The following EPS8 variants were observed in gnomAD, a reference collection of about 807,000 sequenced individuals.
EPS8 encodes EGFR pathway substrate 8, signaling adaptor.
A neutral mutation model predicts 103.8 loss-of-function variants in EPS8; 42 were observed. The observed-to-expected ratio is 0.40, with a 90% CI of 0.32 to 0.52. The LOEUF (loss-of-function observed/expected upper bound fraction) is 0.52. Among genes scored for constraint, EPS8 ranks in the 20% least tolerant of loss-of-function variants. EPS8 has a pLI of 0.40. For missense variants in EPS8, 969 were observed against 1,005.1 expected, an observed-to-expected ratio of 0.96 and a Z score of 0.49; for synonymous variants, 344 against 344.6, an observed-to-expected ratio of 1.00 and a Z score of 0.02.
intron 1 of EPS8, among the ~76,000 whole-genome samples, chr12:15,730,652 TACTCA>T (rs1393682792): frequency 6.6e-6 from 1 of 152,206 alleles, no homozygotes; most frequent in Non-Finnish European, 1.5e-5. Flanking sequence ...GGCATATGAC[TACTCA>T]ATCTTCTCTG....
intron 1 of EPS8, chr12:15,732,760 T>C (rs1329168141): frequency 2.0e-6 from 2 of 982,534 alleles, no homozygotes; most frequent in East Asian, 1.1e-4. Context: ...GCCAGATTAC[T>C]CATAGTTTGG....
chr12:15,665,643 T>A, intron 8 of EPS8, 113 bp downstream of exon 8: 1 of 1,383,724 alleles, frequency 7.2e-7, no homozygotes, highest in Non-Finnish European at 1.0e-6. Flanking sequence ...AGTTGATTTT[T>A]TAAAAACTAA....
chr12:15,696,226 T>C lies in EPS8; in HGVS notation c.-21-13254A>G, dbSNP rs1946241180. ...ATAATTCTGAATGAGAATGCTATTATTTATTATATTTCAGGTAGCAGTTTG... is the reference window on the plus strand; with the variant it reads ...ATAATTCTGAATGAGAATGCTATTACTTATTATATTTCAGGTAGCAGTTTG... On this transcript the variant is annotated intron_variant, in intron 1 of 20. Transcript: ENST00000281172. The surrounding 1 kb of genome is among the most constrained non-coding windows in gnomAD (Gnocchi z 4.8). Among the ~76,000 whole-genome samples, 1 of 152,244 alleles carries C rather than the reference T, an allele frequency of 6.6e-6. No homozygotes were observed. The highest frequency in any genetic ancestry group is 6.5e-5 in the Admixed American group (1 of 15,276).
At chr12:15,746,019 T>C (rs1946871740) in intron 1 of EPS8, among the ~76,000 whole-genome samples, 1 of 152,192 alleles carries the variant, frequency 6.6e-6, no homozygotes, top group African/African-American at 2.4e-5. Context: ...TGAACACCTT[T>C]ATAGGAGAAA....
chr12:15,678,261 T>C (rs1373464329), intron 3 of EPS8, among the ~76,000 whole-genome samples: 1 of 152,176 alleles, frequency 6.6e-6, no homozygotes, highest in Non-Finnish European at 1.5e-5. Context: ...CATCTGTCCA[T>C]TCATTCCATA....
rs1946299566 is a variant in EPS8 at position 15,700,628 on chromosome 12, C to A, written c.-21-17656G>T. Among the ~76,000 whole-genome samples the A allele has an allele frequency of 6.6e-6, 1 of 152,080 alleles. No homozygotes were observed. Among genetic ancestry groups the A allele is most frequent in the African/African-American group, 2.4e-5 (1 of 41,420 alleles). ...CCTCAATGCCAACTGAGCAGAAAAACCAATGAAGGCACTGCTCTTAGTGTA... is the reference window on the plus strand; with the variant it reads ...CCTCAATGCCAACTGAGCAGAAAAAACAATGAAGGCACTGCTCTTAGTGTA... On this transcript the variant is annotated intron_variant, in intron 1 of 20. Coordinates refer to ENST00000281172, the MANE Select transcript of EPS8 (RefSeq NM_004447.6). The surrounding 1 kb of genome is among the most constrained non-coding windows in gnomAD (Gnocchi z 5.1).
Position 15,734,731 on chromosome 12 carries a change from C to CA in EPS8, c.-21-51760dup, listed in dbSNP as rs567307132. ...GTCTCAAAAACAAAAAACAAACAAA[C>CA]AAAAAAAAACAAAAAAGATTCTCTG... On this transcript the variant is annotated intron_variant, in intron 1 of 20. Coordinates refer to ENST00000281172, the MANE Select transcript of EPS8 (RefSeq NM_004447.6). The surrounding 1 kb of genome is among the most constrained non-coding windows in gnomAD (Gnocchi z 4.1). Among the ~76,000 whole-genome samples, 270 of 150,262 alleles carry CA rather than the reference C, an allele frequency of 1.8e-3. 2 individuals are homozygous for CA. The Middle Eastern group carries it at 0.024, about 13-fold the overall frequency.
intron 17 of EPS8, among the ~76,000 whole-genome samples, chr12:15,636,328 C>T (rs1278868721): frequency 1.3e-5 from 2 of 152,120 alleles, no homozygotes; most frequent in East Asian, 3.8e-4. Flanking sequence ...GTGGTTTATT[C>T]AATCTTTTGT....
chr12:15,648,539 A>G (rs1945359012), intron 14 of EPS8, among the ~76,000 whole-genome samples: 1 of 152,214 alleles, frequency 6.6e-6, no homozygotes, highest in Non-Finnish European at 1.5e-5. Context: ...CAGCCATTTA[A>G]ATTAAAAAAA....
At chr12:15,643,805 G>T (rs534589156) in intron 15 of EPS8, among the ~76,000 whole-genome samples, 1 of 148,110 alleles carries the variant, frequency 6.8e-6, no homozygotes, top group African/African-American at 2.5e-5. Flanking sequence ...GTAACAAAAC[G>T]TATGGGCTCA....
intron 1 of EPS8, among the ~76,000 whole-genome samples, chr12:15,775,604 C>A (rs913266286): frequency 2.6e-5 from 4 of 151,720 alleles, no homozygotes; most frequent in Non-Finnish European, 5.9e-5. Flanking sequence ...GGAAAGAGGG[C>A]GAGAAAAGCA....
At position 15,620,584 on chromosome 12, in the gene EPS8, T is replaced by G. The variant is rs1238088502; in HGVS notation, c.*733A>C. 6.6e-6 allele frequency: 1 copy of G among 152,648 alleles called. No homozygotes were observed. Among genetic ancestry groups the G allele is most frequent in the Non-Finnish European group, 1.5e-5 (1 of 68,038 alleles). The allele number at this position is 152,648 out of a possible 1,614,324, so 9.5% of individuals were successfully genotyped here. A position where few individuals can be genotyped will look rare whatever the true frequency, so the allele number is the denominator to read the frequency against. On this transcript the variant is annotated 3_prime_UTR_variant, in exon 21 of 21. Coordinates refer to ENST00000281172, the MANE Select transcript of EPS8 (RefSeq NM_004447.6). ...GCAGACTACTTCCTTTGCTAGATTT[T>G]GAGAAGACATGACCTCTTTCGCATT...
At chr12:15,668,407 T>A (rs1482080776) in intron 6 of EPS8, among the ~76,000 whole-genome samples, 2 of 152,236 alleles carry the variant, frequency 1.3e-5, no homozygotes, top group African/African-American at 2.4e-5. Context: ...GGATATTTTA[T>A]AATATATCAT....
rs1288395779 is a variant in EPS8 at position 15,651,024 on chromosome 12, G to A, written c.1251-18C>T. On this transcript the variant is annotated intron_variant, in intron 13 of 20. Transcript: ENST00000281172. ...ACTCTGCTCTGCAGGAGGGAATGAAGGCATATAAACAATAAAATCTAGGAA... is the reference window on the plus strand; with the variant it reads ...ACTCTGCTCTGCAGGAGGGAATGAAAGCATATAAACAATAAAATCTAGGAA... 3.1e-6 allele frequency: 5 copies of A among 1,603,510 alleles called. No homozygotes were observed. Among genetic ancestry groups the A allele is most frequent in the Non-Finnish European group, 4.3e-6 (5 of 1,173,758 alleles).
intron 1 of EPS8, among the ~76,000 whole-genome samples, chr12:15,770,511 G>A (rs1054727690): frequency 2.0e-5 from 3 of 152,056 alleles, no homozygotes; most frequent in Non-Finnish European, 4.4e-5. Context: ...GTGCTCTAAT[G>A]AGGGGAAAGG....
chr12:15,672,364 T>C (rs1945832159), intron 3 of EPS8: 1 of 396,744 alleles, frequency 2.5e-6, no homozygotes, highest in South Asian at 1.3e-4. Flanking sequence ...TCAATATTAC[T>C]CTGATATTCC....
chr12:15,750,882 AT>A (rs1946924689), intron 1 of EPS8, among the ~76,000 whole-genome samples: 1 of 152,192 alleles, frequency 6.6e-6, no homozygotes, highest in Non-Finnish European at 1.5e-5. Flanking sequence ...TTATGTAAAA[AT>A]ATCCCTTCTT....
chr12:15,702,169 G>C lies in EPS8; in HGVS notation c.-21-19197C>G, dbSNP rs559067580. Among the ~76,000 whole-genome samples the C allele has an allele frequency of 6.6e-6, 1 of 152,320 alleles. No individual in the cohort carries two copies. Among genetic ancestry groups the C allele is most frequent in the South Asian group, 2.1e-4 (1 of 4,828 alleles). On this transcript the variant is annotated intron_variant, in intron 1 of 20. Coordinates refer to ENST00000281172, the MANE Select transcript of EPS8 (RefSeq NM_004447.6). The surrounding 1 kb of genome is among the most constrained non-coding windows in gnomAD (Gnocchi z 5.1). ...TTATTCCAAAAGGGCAAAGTGCTTA[G>C]AGCAGCAGCCTAAGGAAACAGAATA... is the stretch of plus-strand genomic sequence containing the variant.
rs1371404882 is a variant in EPS8 at position 15,704,732 on chromosome 12, A to G, written c.-21-21760T>C. Among the ~76,000 whole-genome samples, 2 of 152,178 alleles carry G rather than the reference A, an allele frequency of 1.3e-5. No individual in the cohort carries two copies. The highest frequency in any genetic ancestry group is 3.8e-4 in the East Asian group (2 of 5,200). ...TAAAGATGGTTAAGTTGGTAAATTTAATATCAACTTTATCACAATAATTAG... is the reference window on the plus strand; with the variant it reads ...TAAAGATGGTTAAGTTGGTAAATTTGATATCAACTTTATCACAATAATTAG... On this transcript the variant is annotated intron_variant, in intron 1 of 20. Transcript: ENST00000281172. This position sits in a 1 kb window ranked among gnomAD's most constrained non-coding sequence, Gnocchi z 4.6.
Sources: gnomAD v4.1 joint callset for allele counts (sites outside exome capture counted in the v4.1 genomes callset) on GRCh38, gnomAD v4.1.1 for gene constraint, Gnocchi (gnomAD v3.1) non-coding constraint, MANE v1.5 for transcripts, NCBI Gene and HGNC (gene_info 2026-07-23, HGNC 2026-07-21) for gene names.